RYR2: variants seen among roughly 807,000 people sequenced by gnomAD.
RYR2 encodes cardiac muscle ryanodine receptor-calcium release channel.
Under a neutral mutation model 601.1 loss-of-function variants are expected in RYR2, and 227 were observed. That is an observed-to-expected ratio of 0.38 (90% CI 0.34 to 0.42). RYR2 has a LOEUF of 0.42. RYR2 is among the 10% of genes least tolerant of loss of function. The pLI is 1.00. For synonymous variants in RYR2, 2,223 were observed against 2,175.1 expected, an observed-to-expected ratio of 1.02 and a Z score of -0.61; for missense variants, 4,646 against 6,156.5, an observed-to-expected ratio of 0.75 and a Z score of 8.21.
intron 88 of RYR2, among the ~76,000 whole-genome samples, chr1:237,780,540 A>G (rs551452204): frequency 1.3e-5 from 2 of 152,342 alleles, no homozygotes; most frequent in South Asian, 4.2e-4. Flanking sequence ...TAAAAAATGG[A>G]TGAGATGTAA....
intron 74 of RYR2, among the ~76,000 whole-genome samples, chr1:237,724,184 CATATATATATATATATAT>C (rs35705894): frequency 6.6e-5 from 9 of 137,000 alleles, no homozygotes; most frequent in Admixed American, 7.5e-5. Context: ...TGTGTGTGTG[CATATATATATATATATAT>C]ATATATATAT....
At chr1:237,710,222 G>T (rs945058900) in intron 70 of RYR2, among the ~76,000 whole-genome samples, 6 of 152,064 alleles carry the variant, frequency 3.9e-5, no homozygotes, top group African/African-American at 1.2e-4. Context: ...AGATAAAAGA[G>T]CATTGATGAT....
intron 2 of RYR2, among the ~76,000 whole-genome samples, chr1:237,308,212 TAATATC>T (rs1264751290): frequency 1.3e-5 from 2 of 152,300 alleles, no homozygotes; most frequent in Middle Eastern, 3.4e-3. Flanking sequence ...TTAAAGATAA[TAATATC>T]GATTCTTGCA....
intron 96 of RYR2, among the ~76,000 whole-genome samples, chr1:237,795,858 A>G (rs865866542): frequency 0.02 from 2,649 of 134,864 alleles, 92 homozygotes; most frequent in African/African-American, 0.074. Flanking sequence ...ATGTATATGT[A>G]TATATATATA....
Position 237,785,465 on chromosome 1 carries a change from A to T in RYR2, c.13260+493A>T, listed in dbSNP as rs570427908. 2.2e-4 allele frequency among the ~76,000 whole-genome samples: 34 copies of T among 152,284 alleles called. No homozygotes were observed. In the East Asian group the frequency reaches 6.0e-3, roughly 27 times the overall value. Reference sequence around the variant, plus strand: ...CCACTGGGTATCATAGGGAATTCAAAGGTAAGATGGGGTCACTGCCTTCAA... The same window carrying T: ...CCACTGGGTATCATAGGGAATTCAATGGTAAGATGGGGTCACTGCCTTCAA... On this transcript the variant is annotated intron_variant, in intron 90 of 104. Coordinates refer to ENST00000366574, the MANE Select transcript of RYR2 (RefSeq NM_001035.3).
At chr1:237,644,475 G>A (rs1407748375) in intron 48 of RYR2, among the ~76,000 whole-genome samples, 1 of 151,646 alleles carries the variant, frequency 6.6e-6, no homozygotes, top group African/African-American at 2.4e-5. Context: ...CTCACGATCC[G>A]CCTGCCTCAG....
chr1:237,474,284 CATATATATATAT>C lies in RYR2; in HGVS notation c.1708+5099_1708+5110del, dbSNP rs1553465107. Among the ~76,000 whole-genome samples the C allele has an allele frequency of 3.3e-4, 16 of 48,628 alleles. No homozygotes were observed. The East Asian group carries it at 0.014, about 44-fold the overall frequency. The allele number at this position is 48,628 out of a possible 152,430, so 31.9% of individuals were successfully genotyped here. A position where few individuals can be genotyped will look rare whatever the true frequency, so the allele number is the denominator to read the frequency against. On this transcript the variant is annotated intron_variant, in intron 17 of 104. Transcript: ENST00000366574. Reference sequence around the variant, plus strand: ...ATAGATACCTACACACACACACACACATATATATATATACACACACACACATACATACATATG... The same window carrying C: ...ATAGATACCTACACACACACACACACACACACACACACATACATACATATG...
intron 9 of RYR2, 84 bp from the exon 10 acceptor site, chr1:237,388,003 G>A (rs1224150167): frequency 8.0e-7 from 1 of 1,251,914 alleles, no homozygotes; most frequent in East Asian, 2.4e-5. Flanking sequence ...CTTTACGAAA[G>A]TAGAAGATTG....
At chr1:237,739,777 C>T (rs1466437672) in intron 79 of RYR2, among the ~76,000 whole-genome samples, 2 of 152,070 alleles carry the variant, frequency 1.3e-5, no homozygotes, top group Admixed American at 6.5e-5. Flanking sequence ...TAGTCTTCTG[C>T]GGAGTTATCA....
intron 10 of RYR2, among the ~76,000 whole-genome samples, chr1:237,391,230 G>A (rs533481779): frequency 7.2e-5 from 11 of 152,190 alleles, no homozygotes; most frequent in African/African-American, 2.6e-4. Context: ...CACCCCGGAA[G>A]CAGCCTTTAT....
At chr1:237,371,933 A>G (rs1171148993) in intron 6 of RYR2, among the ~76,000 whole-genome samples, 1 of 152,194 alleles carries the variant, frequency 6.6e-6, no homozygotes, top group African/African-American at 2.4e-5. Context: ...GCATTAGGAG[A>G]TATACCTAAT....
In RYR2 at chr1:237,106,807, G is replaced by A. The variant is rs1164433184; in HGVS notation, c.48+64238G>A. On this transcript the variant is annotated intron_variant, in intron 1 of 104. Transcript: ENST00000366574. This position sits in a 1 kb window ranked among gnomAD's most constrained non-coding sequence, Gnocchi z 4.4. ...AAGATCAGAGTGCCAGCAATTTGGT[G>A]TCTGGTGAAGGCTCGCTTCCTGGTT... Among the ~76,000 whole-genome samples the A allele has an allele frequency of 6.6e-6, 1 of 152,182 alleles. No homozygotes were observed. Among genetic ancestry groups the A allele is most frequent in the African/African-American group, 2.4e-5 (1 of 41,444 alleles).
At chr1:237,522,854 T>TACTA (rs765789920) in intron 24 of RYR2, among the ~76,000 whole-genome samples, 158 of 152,202 alleles carry the variant, frequency 1.0e-3, no homozygotes, top group Non-Finnish European at 1.7e-3. Context: ...AAATATTTAC[T>TACTA]GAATGCATGT....
rs67002856 is a variant in RYR2 at position 237,204,503 on chromosome 1, CAAA to C, written c.49-65981_49-65979del. ...CTTGTTACCAAAACAAAAACAAAAA[CAAA>C]AAAAAAAAAAAAGAAAGAAAACTAG... On this transcript the variant is annotated intron_variant, in intron 1 of 104. Transcript: ENST00000366574. Among the ~76,000 whole-genome samples the C allele has an allele frequency of 8.0e-3, 854 of 106,642 alleles. 9 individuals carry two copies. The highest frequency in any genetic ancestry group is 0.043 in the South Asian group (131 of 3,052). 70.0% of individuals were successfully genotyped at this position (106,642 alleles called of 152,430 possible).
At chr1:237,099,465 T>C (rs1423814323) in intron 1 of RYR2, among the ~76,000 whole-genome samples, 1 of 152,150 alleles carries the variant, frequency 6.6e-6, no homozygotes, top group Non-Finnish European at 1.5e-5. Flanking sequence ...CCTGAACTCC[T>C]GGGCCCAAGC....
intron 2 of RYR2, among the ~76,000 whole-genome samples, chr1:237,271,361 A>G (rs1054338594): frequency 1.3e-5 from 2 of 152,206 alleles, no homozygotes; most frequent in African/African-American, 2.4e-5. Flanking sequence ...ATGGTTCATA[A>G]TATCAGCATA....
At chr1:237,342,244 T>A (rs1230087942) in intron 3 of RYR2, among the ~76,000 whole-genome samples, 2 of 151,620 alleles carry the variant, frequency 1.3e-5, no homozygotes, top group Non-Finnish European at 2.9e-5. Flanking sequence ...CAATGCTGGG[T>A]CTCAAGGGAT....
intron 51 of RYR2, among the ~76,000 whole-genome samples, chr1:237,652,385 G>A (rs2148810272): frequency 6.6e-6 from 1 of 152,134 alleles, no homozygotes; most frequent in South Asian, 2.1e-4. Flanking sequence ...TCAGAATATA[G>A]AATATAGTGT....
At chr1:237,651,354 A>T in intron 50 of RYR2, 57 bp from the exon 51 acceptor site, 1 of 1,148,262 alleles carries the variant, frequency 8.7e-7, no homozygotes, top group Non-Finnish European at 1.3e-6. Context: ...CTAATGAATG[A>T]TCTACTTAGT....
Sources: allele counts gnomAD v4.1 joint callset (sites outside exome capture counted in the v4.1 genomes callset), GRCh38; gene constraint gnomAD v4.1.1; non-coding constraint Gnocchi (gnomAD v3.1); transcripts MANE v1.5; gene names NCBI Gene and HGNC (gene_info 2026-07-23, HGNC 2026-07-21).